PCDHA2: variants seen among roughly 807,000 people sequenced by gnomAD.
The protein encoded by PCDHA2 is protocadherin alpha 2, also known as protocadherin alpha-2.
PCDHA2 carries 58 observed loss-of-function variants against 66.0 expected under a neutral mutation model. The ratio of observed to expected loss-of-function variants is 0.88; its 90% confidence interval spans 0.71 to 1.09. The LOEUF is 1.09. Ranked by LOEUF, PCDHA2 falls within the 50% of genes least tolerant of loss-of-function variation. PCDHA2 has a pLI of 0.00. For missense variants in PCDHA2, 1,267 were observed against 1,242.3 expected, an observed-to-expected ratio of 1.02 and a Z score of -0.30; for synonymous variants, 634 against 554.0, an observed-to-expected ratio of 1.14 and a Z score of -2.03.
chr5:140,909,397 G>C (rs564100527), intron 1 of PCDHA2, among the ~76,000 whole-genome samples: 1 of 152,320 alleles, frequency 6.6e-6, no homozygotes, highest in East Asian at 1.9e-4. Flanking sequence ...TACAGCAGCT[G>C]CAATTGCAGT....
chr5:140,853,133 C>T (rs1646376725), intron 1 of PCDHA2: 1 of 642,274 alleles, frequency 1.6e-6, no homozygotes, highest in Non-Finnish European at 2.0e-6. Flanking sequence ...CCCGCCTCAG[C>T]CTCCCAAAAT....
intron 1 of PCDHA2, among the ~76,000 whole-genome samples, chr5:140,923,528 C>CA (rs1240707958): frequency 2.0e-5 from 3 of 151,622 alleles, no homozygotes; most frequent in Non-Finnish European, 4.4e-5. Context: ...GATTCTGTCC[C>CA]AAAAAAAGGA....
intron 1 of PCDHA2, chr5:140,807,221 C>T (rs1763864756): frequency 3.1e-6 from 5 of 1,614,044 alleles, no homozygotes; most frequent in Non-Finnish European, 4.2e-6. Context: ...CCAGGAATCC[C>T]GGCGTCTGCT....
intron 1 of PCDHA2, chr5:140,967,692 G>C (rs781940460): frequency 6.2e-7 from 1 of 1,614,196 alleles, no homozygotes; most frequent in Admixed American, 1.7e-5. Flanking sequence ...CAGCTCTTCA[G>C]CATAGATGCC....
intron 1 of PCDHA2, chr5:140,813,645 A>G (rs183408897): frequency 6.6e-6 from 1 of 152,194 alleles, no homozygotes; most frequent in African/African-American, 2.4e-5. Context: ...ATTACTGTGC[A>G]CTAATGTAGA....
intron 1 of PCDHA2, chr5:140,815,961 G>C (rs1765822875): frequency 6.6e-6 from 1 of 152,150 alleles, no homozygotes; most frequent in Non-Finnish European, 1.5e-5. Context: ...AGTTAGGGGT[G>C]TTCTTTTGTA....
intron 1 of PCDHA2, chr5:140,927,831 G>T: frequency 6.2e-7 from 1 of 1,614,186 alleles, no homozygotes; most frequent in Non-Finnish European, 8.5e-7. Flanking sequence ...TTGAGGCGAG[G>T]GACGAAGGTG....
chr5:140,881,579 C>T (rs1299755224), intron 1 of PCDHA2, among the ~76,000 whole-genome samples: 1 of 152,168 alleles, frequency 6.6e-6, no homozygotes, highest in Non-Finnish European at 1.5e-5. Context: ...TCTCAAGTCA[C>T]ATTGAGGGAA....
chr5:140,801,621 A>G, intron 1 of PCDHA2: 1 of 1,614,038 alleles, frequency 6.2e-7, no homozygotes, highest in Non-Finnish European at 8.5e-7. Flanking sequence ...GAATCTGTTT[A>G]TTTCCGAATC....
chr5:140,797,306 A>T lies in PCDHA2; in HGVS notation c.2342A>T (p.Asp781Val), dbSNP rs782364093. 1.5e-5 allele frequency: 25 copies of T among 1,614,022 alleles called. No homozygotes were observed. The Admixed American group carries it at 2.3e-4, about 15-fold the overall frequency. Residue 781 changes from aspartate (D) to valine (V), a missense_variant, in exon 1 of 4, where the codon GAC becomes GTC. Asp to Val is a radical substitution (Grantham distance 152, BLOSUM62 -3). Transcript: ENST00000526136. ...AFSPSLSQGP[D>V]SAEEKQLSES... ...AGCCCTAGCTTATCTCAAGGTCCAG[A>T]CTCCGCAGAAGAGAAACAGCTCTCA...
At chr5:140,926,840 C>T (rs1427760232) in intron 1 of PCDHA2, 4 of 1,514,378 alleles carry the variant, frequency 2.6e-6, no homozygotes, top group South Asian at 2.7e-5. Flanking sequence ...GAGCATGGTC[C>T]TGGGTCACCG....
In PCDHA2 at chr5:140,808,372, C is replaced by G. The variant is rs781953754; in HGVS notation, c.2388+11020C>G. The stretch of plus-strand genomic sequence containing the variant: ...GCTCCTTGACGTCCCACGTCCCCTT[C>G]AAGCTGGTGTCCACCTTCAAGAATT... On this transcript the variant is annotated intron_variant, in intron 1 of 3. Coordinates refer to ENST00000526136, the MANE Select transcript of PCDHA2 (RefSeq NM_018905.3). 1.2e-6 allele frequency: 2 copies of G among 1,614,200 alleles called. No individual in the cohort carries two copies. The highest frequency in any genetic ancestry group is 3.3e-5 in the Admixed American group (2 of 60,036).
At chr5:140,845,448 T>C (rs1375604335) in intron 1 of PCDHA2, among the ~76,000 whole-genome samples, 1 of 149,710 alleles carries the variant, frequency 6.7e-6, no homozygotes, top group Non-Finnish European at 1.5e-5. Context: ...CTGTTTTTCT[T>C]CAACTCTCTG....
chr5:140,919,660 T>C (rs561238136), intron 1 of PCDHA2, among the ~76,000 whole-genome samples: 1 of 152,360 alleles, frequency 6.6e-6, no homozygotes, highest in African/African-American at 2.4e-5. Flanking sequence ...TTACCATATA[T>C]ATTTTAGCTT....
At chr5:140,809,015 G>A (rs1764332857) in intron 1 of PCDHA2, 9 of 1,613,708 alleles carry the variant, frequency 5.6e-6, no homozygotes, top group East Asian at 2.2e-5. Context: ...GCTTTCGTAC[G>A]AGCTGCAGCC....
chr5:140,866,238 A>G (rs1317266389), intron 1 of PCDHA2: 2 of 152,166 alleles, frequency 1.3e-5, no homozygotes, highest in Admixed American at 1.3e-4. Context: ...ACTATATACC[A>G]AAAATGACAC....
At chr5:140,848,296 G>A (rs181978789) in intron 1 of PCDHA2, 6 of 652,806 alleles carry the variant, frequency 9.2e-6, no homozygotes, top group Non-Finnish European at 1.3e-5. Flanking sequence ...TTTGGGCCAC[G>A]TGATGTCACT....
At chr5:140,926,584 C>T in intron 1 of PCDHA2, 1 of 285,400 alleles carries the variant, frequency 3.5e-6, no homozygotes, top group Non-Finnish European at 6.4e-6. Context: ...GCACCTCTCG[C>T]GCCCGGGCGG....
At chr5:140,936,577 A>G (rs776415020) in intron 1 of PCDHA2, among the ~76,000 whole-genome samples, 1 of 152,186 alleles carries the variant, frequency 6.6e-6, no homozygotes, top group Non-Finnish European at 1.5e-5. Flanking sequence ...TCCACTTGTA[A>G]ATCCAGTTAG....
Sources: allele counts gnomAD v4.1 joint callset (sites outside exome capture counted in the v4.1 genomes callset), GRCh38; gene constraint gnomAD v4.1.1; transcripts MANE v1.5; gene names NCBI Gene and HGNC (gene_info 2026-07-23, HGNC 2026-07-21).